The following RARA variants were observed in gnomAD, a reference collection of about 807,000 sequenced individuals.
RARA encodes the protein retinoic acid receptor alpha, also known as PML-DDX5-RARA fusion.
RARA carries 5 observed loss-of-function variants against 42.8 expected under a neutral mutation model. The observed-to-expected ratio is 0.12, with a 90% CI of 0.06 to 0.25. The LOEUF (loss-of-function observed/expected upper bound fraction) is 0.25, where lower values mean the gene tolerates loss of function less well. Among genes scored for constraint, RARA ranks in the 10% least tolerant of loss-of-function variants. RARA has a pLI of 1.00. For synonymous variants in RARA, 256 were observed against 259.5 expected (o/e 0.99, Z 0.13); for missense variants, 402 against 628.7 (o/e 0.64, Z 3.86).
intron 2 of RARA, chr17:40,342,744 C>A: frequency 6.2e-7 from 1 of 1,612,314 alleles, no homozygotes; most frequent in East Asian, 2.2e-5. Flanking sequence ...CACCCCTAAT[C>A]CCTTCCTAGT....
intron 2 of RARA, among the ~76,000 whole-genome samples, chr17:40,344,637 G>A (rs2034193029): frequency 6.6e-6 from 1 of 152,330 alleles, no homozygotes; most frequent in Non-Finnish European, 1.5e-5. Flanking sequence ...CACTGGACAT[G>A]GGGAAGTGGA....
At chr17:40,342,240 C>T in intron 2 of RARA, 1 of 1,058,242 alleles carries the variant, frequency 9.4e-7, no homozygotes, top group Non-Finnish European at 1.1e-6. Context: ...GGATCCCCAC[C>T]CCCACCCGGA....
rs1177147973 is a variant in RARA at position 40,320,123 on chromosome 17, T to G, written c.-362-10734T>G. Among the ~76,000 whole-genome samples, 1 of 152,110 alleles carries G rather than the reference T, an allele frequency of 6.6e-6. No homozygotes were observed. Among genetic ancestry groups the G allele is most frequent in the African/African-American group, 2.4e-5 (1 of 41,388 alleles). On this transcript the variant is annotated intron_variant, in intron 1 of 8. Transcript: ENST00000254066. This position sits in a 1 kb window ranked among gnomAD's most constrained non-coding sequence, Gnocchi z 4.1. The stretch of plus-strand genomic sequence containing the variant: ...TGATTGAGTGTATATGAGGTGTCAC[T>G]GCAGGGGTTTCACCATCAGACTGGC...
chr17:40,343,555 G>A (rs536428906), intron 2 of RARA, among the ~76,000 whole-genome samples: 34 of 152,312 alleles, frequency 2.2e-4, no homozygotes, highest in South Asian at 2.1e-4. Flanking sequence ...CAGGAGTGGA[G>A]GGGAGAAGCT....
rs925753400 is a variant in RARA at position 40,326,648 on chromosome 17, T to C, written c.-362-4209T>C. On this transcript the variant is annotated intron_variant, in intron 1 of 8. Coordinates refer to ENST00000254066, the MANE Select transcript of RARA (RefSeq NM_000964.4). This position sits in a 1 kb window ranked among gnomAD's most constrained non-coding sequence, Gnocchi z 5.2. ...CTGTGCTTAGGCTAGGCTCCATATA[T>C]TGGAGGTGTGGGCCTGTGGTTTTCT... 3 of 152,476 alleles carry C rather than the reference T, an allele frequency of 2.0e-5. No homozygotes were observed. Among genetic ancestry groups the C allele is most frequent in the African/African-American group, 7.2e-5 (3 of 41,420 alleles). The allele number at this position is 152,476 out of a possible 1,614,324, so 9.4% of individuals were successfully genotyped here. A position where few individuals can be genotyped will look rare whatever the true frequency, so the allele number is the denominator to read the frequency against.
At position 40,356,412 on chromosome 17, in the gene RARA, G is replaced by T. The variant is rs1305378222; in HGVS notation, c.*186G>T. Reference sequence around the variant, plus strand: ...TGGACAGAGGCCTGGGCCCTCAGTGGACTGCCTGCTCCCACAGCCTGGGCT... The same window carrying T: ...TGGACAGAGGCCTGGGCCCTCAGTGTACTGCCTGCTCCCACAGCCTGGGCT... On this transcript the variant is annotated 3_prime_UTR_variant, in exon 9 of 9. Coordinates refer to ENST00000254066, the MANE Select transcript of RARA (RefSeq NM_000964.4). 2.6e-6 allele frequency: 2 copies of T among 754,896 alleles called. No individual in the cohort carries two copies. The highest frequency in any genetic ancestry group is 4.6e-6 in the Non-Finnish European group (2 of 434,550). The allele number at this position is 754,896 out of a possible 1,614,324, so 46.8% of individuals were successfully genotyped here.
At chr17:40,342,502 C>T in intron 2 of RARA, 1 of 1,321,698 alleles carries the variant, frequency 7.6e-7, no homozygotes. Context: ...AACTTCCCTG[C>T]TTTTCACCGG....
rs781040511 is a variant in RARA at position 40,356,362 on chromosome 17, G to C, written c.*136G>C. The C allele has an allele frequency of 3.0e-6, 3 of 995,118 alleles. No homozygotes were observed. The highest frequency in any genetic ancestry group is 3.2e-5 in the African/African-American group (2 of 62,610). 61.6% of individuals were successfully genotyped at this position (995,118 alleles called of 1,614,324 possible). On this transcript the variant is annotated 3_prime_UTR_variant, in exon 9 of 9. Coordinates refer to ENST00000254066, the MANE Select transcript of RARA (RefSeq NM_000964.4). Reference sequence around the variant, plus strand: ...GTACTGGGGACCTTCCCTGGGGGACGGGGAGGGAGGAGGCAGCGACTCCTT... The same window carrying C: ...GTACTGGGGACCTTCCCTGGGGGACCGGGAGGGAGGAGGCAGCGACTCCTT...
At chr17:40,353,550 G>A (rs946870251) in intron 6 of RARA, among the ~76,000 whole-genome samples, 7 of 152,118 alleles carry the variant, frequency 4.6e-5, no homozygotes, top group Non-Finnish European at 7.4e-5. Context: ...GCTGCCTCCC[G>A]GGTTCAAGCG....
chr17:40,322,023 G>A (rs552229911), intron 1 of RARA, among the ~76,000 whole-genome samples: 7 of 152,254 alleles, frequency 4.6e-5, no homozygotes, highest in Admixed American at 2.0e-4. Context: ...AGGGGTGTGG[G>A]GGTGTGTAGA....
chr17:40,325,599 C>T lies in RARA; in HGVS notation c.-362-5258C>T, dbSNP rs571655562. On this transcript the variant is annotated intron_variant, in intron 1 of 8. Coordinates refer to ENST00000254066, the MANE Select transcript of RARA (RefSeq NM_000964.4). Reference sequence around the variant, plus strand: ...ACTCTGTTCTGCCCTGCTTGGCCAGCTCCTGGCGGGACAGGGGTCCAAAGG... The same window carrying T: ...ACTCTGTTCTGCCCTGCTTGGCCAGTTCCTGGCGGGACAGGGGTCCAAAGG... 4.5e-4 allele frequency among the ~76,000 whole-genome samples: 69 copies of T among 152,358 alleles called. 1 individual carries two copies. Among genetic ancestry groups the T allele is most frequent in the African/African-American group, 1.6e-3 (66 of 41,574 alleles).
chr17:40,341,043 T>C, intron 2 of RARA: 2 of 400,634 alleles, frequency 5.0e-6, no homozygotes, highest in Non-Finnish European at 8.8e-6. Context: ...AGCATGTACA[T>C]TTCCATCCTT....
In RARA at chr17:40,351,990, G is replaced by A. The variant is rs1480073657; in HGVS notation, c.550G>A (p.Val184Met). The change falls in exon 5 of 9, where the codon GTG becomes ATG. Residue 184 changes from valine (V) to methionine (M), a missense_variant. By Grantham distance (21) the Val-to-Met change is conservative (BLOSUM62 1). Transcript: ENST00000254066. The surrounding 1 kb of genome is among the most constrained non-coding windows in gnomAD (Gnocchi z 4.1). ...TGAGAGCTACACGCTGACGCCGGAG[G>A]TGGGGGAGCTCATTGAGAAGGTGCG... ...CSESYTLTPE[V>M]GELIEKVRKA... 1 of 1,604,182 alleles carries A rather than the reference G, an allele frequency of 6.2e-7. No homozygotes were observed. The highest frequency in any genetic ancestry group is 1.4e-5 in the African/African-American group (1 of 74,004).
intron 2 of RARA, among the ~76,000 whole-genome samples, chr17:40,339,119 C>T (rs1285573644): frequency 2.0e-5 from 3 of 152,194 alleles, no homozygotes; most frequent in African/African-American, 7.2e-5. Context: ...TGCTGAGGCC[C>T]TTGGTGAGTT....
Position 40,336,843 on chromosome 17 carries a change from G to A in RARA, c.178+5447G>A, listed in dbSNP as rs370033456. Among the ~76,000 whole-genome samples, 38 of 152,028 alleles carry A rather than the reference G, an allele frequency of 2.5e-4. 1 individual carries two copies. In the South Asian group the frequency reaches 7.7e-3, roughly 31 times the overall value. On this transcript the variant is annotated intron_variant, in intron 2 of 8. Coordinates refer to ENST00000254066, the MANE Select transcript of RARA (RefSeq NM_000964.4). ...CCCAAGTAGCTGGGACTACAGGCGT[G>A]TGCCGCTACGCCCAGCTAATTTTTG...
rs376171160 is a variant in RARA at position 40,342,031 on chromosome 17, C to T, written c.179-6285C>T. 11 of 1,067,834 alleles carry T rather than the reference C, an allele frequency of 1.0e-5. No individual in the cohort carries two copies. In the African/African-American group the frequency reaches 1.6e-4, roughly 16 times the overall value. The allele number at this position is 1,067,834 out of a possible 1,614,324, so 66.1% of individuals were successfully genotyped here. A position where few individuals can be genotyped will look rare whatever the true frequency, so the allele number is the denominator to read the frequency against. On this transcript the variant is annotated intron_variant, in intron 2 of 8. Coordinates refer to ENST00000254066, the MANE Select transcript of RARA (RefSeq NM_000964.4). ...GCCGCCTCTCCCTCTCGGTTCCCTGCGTTTCTCCCGCTGCAGCCGGACGCG... is the reference window on the plus strand; with the variant it reads ...GCCGCCTCTCCCTCTCGGTTCCCTGTGTTTCTCCCGCTGCAGCCGGACGCG...
chr17:40,318,593 C>T (rs1010352659), intron 1 of RARA: 6 of 152,294 alleles, frequency 3.9e-5, no homozygotes, highest in African/African-American at 1.4e-4. Flanking sequence ...GGCTTCCCAA[C>T]TCGCTGCCGC....
rs914664083 is a variant in RARA, at chr17:40,357,328, G to A, written c.*1102G>A. On this transcript the variant is annotated 3_prime_UTR_variant, in exon 9 of 9. Coordinates refer to ENST00000254066, the MANE Select transcript of RARA (RefSeq NM_000964.4). ...GGGCCCCCAGACACCACACACATGCGCGTGCGCACACACACAAACACACAC... is the reference window on the plus strand; with the variant it reads ...GGGCCCCCAGACACCACACACATGCACGTGCGCACACACACAAACACACAC... The A allele has an allele frequency of 9.1e-5, 21 of 231,766 alleles. No homozygotes were observed. The highest frequency in any genetic ancestry group is 1.3e-4 in the Non-Finnish European group (15 of 118,826). 14.4% of individuals were successfully genotyped at this position (231,766 alleles called of 1,614,324 possible).
chr17:40,355,752 C>T lies in RARA; in HGVS notation c.1172-257C>T, dbSNP rs572693494. 2.6e-5 allele frequency among the ~76,000 whole-genome samples: 4 copies of T among 152,328 alleles called. No individual in the cohort carries two copies. Among genetic ancestry groups the T allele is most frequent in the East Asian group, 3.9e-4 (2 of 5,186 alleles). ...TCGGGATGATCCCTAGCACACAGCA[C>T]AGGGGAAGGAAGGGCTTGGCGTCTA... is the stretch of plus-strand genomic sequence containing the variant. On this transcript the variant is annotated intron_variant, in intron 8 of 8. Transcript: ENST00000254066. The surrounding 1 kb of genome is among the most constrained non-coding windows in gnomAD (Gnocchi z 4.1).
Sources: allele counts gnomAD v4.1 joint callset (sites outside exome capture counted in the v4.1 genomes callset), GRCh38; gene constraint gnomAD v4.1.1; non-coding constraint Gnocchi (gnomAD v3.1); transcripts MANE v1.5; gene names NCBI Gene and HGNC (gene_info 2026-07-23, HGNC 2026-07-21).